Variants in GALNTL6 observed in about 807,000 individuals in gnomAD.
GALNTL6 encodes polypeptide N-acetylgalactosaminyltransferase like 6.
Under a neutral mutation model 73.7 loss-of-function variants are expected in GALNTL6, and 46 were observed. The ratio of observed to expected loss-of-function variants is 0.62; its 90% CI spans 0.49 to 0.80. The LOEUF (loss-of-function observed/expected upper bound fraction) is 0.80, where lower values mean the gene tolerates loss of function less well. Among genes scored for constraint, GALNTL6 ranks in the 30% least tolerant of loss-of-function variants. GALNTL6 has a pLI of 0.00. For synonymous variants in GALNTL6, 259 were observed against 263.7 expected (o/e 0.98, Z 0.17); for missense variants, 604 against 755.0 (o/e 0.80, Z 2.34).
rs1259648063 is a variant in GALNTL6 at position 172,131,426 on chromosome 4, TATAC to T, written c.139-98228_139-98225del. ...TTTAAAATATATATATATATATATA[TATAC>T]ACACACACACACGCATATATATTTT... On this transcript the variant is annotated intron_variant, in intron 2 of 12. Coordinates refer to ENST00000506823, the MANE Select transcript of GALNTL6 (RefSeq NM_001034845.3). 7.9e-3 allele frequency among the ~76,000 whole-genome samples: 796 copies of T among 101,212 alleles called. 7 individuals carry two copies. Among genetic ancestry groups the T allele is most frequent in the East Asian group, 0.029 (120 of 4,120 alleles). 66.4% of individuals were successfully genotyped at this position (101,212 alleles called of 152,430 possible). A position where few individuals can be genotyped will look rare whatever the true frequency, so the allele number is the denominator to read the frequency against.
chr4:173,036,476 C>T (rs1221088773), intron 12 of GALNTL6, among the ~76,000 whole-genome samples: 1 of 152,162 alleles, frequency 6.6e-6, no homozygotes, highest in Non-Finnish European at 1.5e-5. Context: ...GAAAGGCACA[C>T]CTACACTTGC....
intron 3 of GALNTL6, among the ~76,000 whole-genome samples, chr4:172,296,486 A>G (rs1010232491): frequency 6.6e-6 from 1 of 152,112 alleles, no homozygotes. Context: ...AACATTAGGT[A>G]TATCTCCTAA....
At chr4:172,785,084 A>G (rs189283544) in intron 5 of GALNTL6, among the ~76,000 whole-genome samples, 1 of 152,314 alleles carries the variant, frequency 6.6e-6, no homozygotes, top group East Asian at 1.9e-4. Context: ...GAGAACAGAA[A>G]GTGGTTCTTA....
At chr4:172,923,862 G>T (rs1002513720) in intron 8 of GALNTL6, among the ~76,000 whole-genome samples, 2 of 151,882 alleles carry the variant, frequency 1.3e-5, no homozygotes, top group African/African-American at 2.4e-5. Context: ...ATCAAATCTC[G>T]TGAGACTTAC....
At chr4:171,820,520 T>C (rs776851503) in intron 2 of GALNTL6, among the ~76,000 whole-genome samples, 4 of 152,234 alleles carry the variant, frequency 2.6e-5, no homozygotes, top group Non-Finnish European at 4.4e-5. Flanking sequence ...CTGTTTTGTT[T>C]TCAGCAATAT....
chr4:172,713,860 C>G (rs1248278921), intron 5 of GALNTL6, among the ~76,000 whole-genome samples: 1 of 152,076 alleles, frequency 6.6e-6, no homozygotes, highest in African/African-American at 2.4e-5. Context: ...GTCAGCTTAT[C>G]AAACTGTAGG....
intron 3 of GALNTL6, among the ~76,000 whole-genome samples, chr4:172,303,060 T>C (rs1739996836): frequency 6.6e-6 from 1 of 152,114 alleles, no homozygotes; most frequent in African/African-American, 2.4e-5. Context: ...AGTGCAGTGG[T>C]GCGATTTTGG....
At chr4:172,117,287 A>C (rs573599395) in intron 2 of GALNTL6, among the ~76,000 whole-genome samples, 1 of 152,324 alleles carries the variant, frequency 6.6e-6, no homozygotes, top group East Asian at 1.9e-4. Flanking sequence ...TGCTATGGTA[A>C]TCACATATTG....
At chr4:172,984,504 G>A (rs538014667) in intron 10 of GALNTL6, among the ~76,000 whole-genome samples, 3 of 152,192 alleles carry the variant, frequency 2.0e-5, no homozygotes, top group Non-Finnish European at 4.4e-5. Flanking sequence ...GGGGGGCGGG[G>A]AGCACAGAGC....
intron 3 of GALNTL6, among the ~76,000 whole-genome samples, chr4:172,294,152 G>A (rs934560359): frequency 6.6e-6 from 1 of 151,670 alleles, no homozygotes; most frequent in Admixed American, 6.6e-5. Context: ...CAATCAAAAG[G>A]CGTATATCTC....
chr4:172,222,628 C>G (rs1265399644), intron 2 of GALNTL6, among the ~76,000 whole-genome samples: 1 of 151,868 alleles, frequency 6.6e-6, no homozygotes, highest in Admixed American at 6.6e-5. Context: ...TTGCAACTCT[C>G]TCTACGAGCC....
intron 5 of GALNTL6, among the ~76,000 whole-genome samples, chr4:172,502,505 T>G (rs2332516): frequency 0.19 from 29,287 of 152,164 alleles, 3,047 homozygotes; most frequent in African/African-American, 0.25. Context: ...GATCCTTCAT[T>G]CAAGGGATGA....
intron 2 of GALNTL6, among the ~76,000 whole-genome samples, chr4:171,988,113 C>T (rs1464184384): frequency 6.6e-6 from 1 of 152,156 alleles, no homozygotes; most frequent in African/African-American, 2.4e-5. Context: ...CAGCAGCAGC[C>T]ACTGCACGCA....
chr4:172,342,188 C>T (rs936120792), intron 4 of GALNTL6, among the ~76,000 whole-genome samples: 4 of 152,006 alleles, frequency 2.6e-5, no homozygotes, highest in South Asian at 2.1e-4. Flanking sequence ...ATAGAGCATA[C>T]ATCTCACAAA....
intron 5 of GALNTL6, among the ~76,000 whole-genome samples, chr4:172,774,959 C>CAATAATAATAAT (rs57591714): frequency 0.012 from 1,680 of 140,598 alleles, 40 homozygotes; most frequent in African/African-American, 0.04. Context: ...GGCTCCATCT[C>CAATAATAATAAT]AATAATAATA....
chr4:172,975,755 C>T (rs1299703914), intron 10 of GALNTL6, among the ~76,000 whole-genome samples: 1 of 152,184 alleles, frequency 6.6e-6, no homozygotes, highest in African/African-American at 2.4e-5. Context: ...GAGGAGGAGC[C>T]TGGCATGTCA....
chr4:171,961,018 G>C (rs1314778697), intron 2 of GALNTL6, among the ~76,000 whole-genome samples: 5 of 152,024 alleles, frequency 3.3e-5, no homozygotes, highest in African/African-American at 9.7e-5. Context: ...TCTTGTGAGA[G>C]ATCCAAGAAG....
chr4:172,893,516 C>G (rs547954103), intron 8 of GALNTL6, among the ~76,000 whole-genome samples: 1 of 152,312 alleles, frequency 6.6e-6, no homozygotes, highest in East Asian at 1.9e-4. Flanking sequence ...CCCAGGCAAC[C>G]AGCAAAACAC....
In GALNTL6 at chr4:172,065,173, G is replaced by T. The variant is rs1004212255; in HGVS notation, c.139-164483G>T. ...TAATTTTGATAGGGTTGGGGGTTAG[G>T]GGGGATAGTTTCAAGATAAAACTGC... On this transcript the variant is annotated intron_variant, in intron 2 of 12. Coordinates refer to ENST00000506823, the MANE Select transcript of GALNTL6 (RefSeq NM_001034845.3). Among the ~76,000 whole-genome samples, 7 of 152,094 alleles carry T rather than the reference G, an allele frequency of 4.6e-5. No homozygotes were observed. In the South Asian group the frequency reaches 6.2e-4, roughly 14 times the overall value.
Sources: gnomAD v4.1 joint callset for allele counts (sites outside exome capture counted in the v4.1 genomes callset) on GRCh38, gnomAD v4.1.1 for gene constraint, MANE v1.5 for transcripts, NCBI Gene and HGNC (gene_info 2026-07-23, HGNC 2026-07-21) for gene names.